GNG7: variants seen among roughly 807,000 people sequenced by gnomAD.
GNG7 encodes guanine nucleotide-binding protein G(I)/G(S)/G(O) subunit gamma-7.
Under a neutral mutation model 4.0 loss-of-function variants are expected in GNG7, and 1 was observed. The ratio of observed to expected loss-of-function variants is 0.25; its 90% CI spans 0.09 to 1.18. GNG7 has a LOEUF of 1.18. Ranked by LOEUF, GNG7 falls within the 50% of genes most tolerant of loss-of-function variation. The pLI, the probability that GNG7 is intolerant of heterozygous loss-of-function variation, is 0.50. For missense variants in GNG7, 86 were observed against 91.9 expected (o/e 0.94, Z 0.26); for synonymous variants, 34 against 36.9 (o/e 0.92, Z 0.29).
chr19:2,696,690 G>A (rs563006664), intron 1 of GNG7, among the ~76,000 whole-genome samples: 134 of 152,318 alleles, frequency 8.8e-4, no homozygotes, highest in Middle Eastern at 3.4e-3. Context: ...CATGTCACAC[G>A]CAGTGAGAGA....
rs560885763 is a variant in GNG7 at position 2,681,549 on chromosome 19, A to C, written c.-135+21097T>G. Among the ~76,000 whole-genome samples, 5 of 152,180 alleles carry C rather than the reference A, an allele frequency of 3.3e-5. No individual in the cohort carries two copies. The South Asian group carries it at 1.0e-3, about 32-fold the overall frequency. ...CTCCCAAAGCGCTGGGATCACTAGC[A>C]TTAGCCACATCACCGGGCCAGATCC... On this transcript the variant is annotated intron_variant, in intron 1 of 4. Coordinates refer to ENST00000382159, the MANE Select transcript of GNG7 (RefSeq NM_052847.3).
chr19:2,680,571 ATTT>A (rs967188330), intron 1 of GNG7, among the ~76,000 whole-genome samples: 8 of 125,996 alleles, frequency 6.3e-5, no homozygotes, highest in African/African-American at 1.8e-4. Flanking sequence ...AAAATTTACA[ATTT>A]TTTTTTTTTT....
chr19:2,538,414 G>C, intron 3 of GNG7: 1 of 386,730 alleles, frequency 2.6e-6, no homozygotes, highest in Non-Finnish European at 5.1e-6. Flanking sequence ...TTTGAGGCCA[G>C]GAGTTTGAGA....
At chr19:2,545,115 G>A (rs777127900) in intron 3 of GNG7, among the ~76,000 whole-genome samples, 45 of 151,914 alleles carry the variant, frequency 3.0e-4, no homozygotes, top group Admixed American at 4.6e-4. Context: ...TTGGGGGTCC[G>A]TGGAATCCCC....
chr19:2,556,845 C>T (rs1029302140), intron 2 of GNG7, among the ~76,000 whole-genome samples: 3 of 152,176 alleles, frequency 2.0e-5, no homozygotes, highest in African/African-American at 4.8e-5. Flanking sequence ...TGAGCTGCGT[C>T]CCTGGCATCC....
intron 2 of GNG7, among the ~76,000 whole-genome samples, chr19:2,608,990 G>A (rs1053342674): frequency 1.3e-5 from 2 of 151,526 alleles, no homozygotes; most frequent in Admixed American, 1.3e-4. Flanking sequence ...CAAACATCAT[G>A]CCTACCTAGT....
At chr19:2,656,188 T>C (rs1982969284) in intron 1 of GNG7, among the ~76,000 whole-genome samples, 1 of 152,194 alleles carries the variant, frequency 6.6e-6, no homozygotes, top group East Asian at 1.9e-4. Flanking sequence ...AACCACCATA[T>C]GATCCAGTAA....
chr19:2,607,220 C>CAAA (rs57526624), intron 2 of GNG7, among the ~76,000 whole-genome samples: 10,253 of 136,088 alleles, frequency 0.075, 487 homozygotes, highest in South Asian at 0.18. Flanking sequence ...GACCCTGTGT[C>CAAA]AAAAAAAAAA....
intron 1 of GNG7, among the ~76,000 whole-genome samples, chr19:2,680,860 G>A (rs979399975): frequency 2.0e-4 from 30 of 151,662 alleles, no homozygotes; most frequent in South Asian, 2.1e-4. Flanking sequence ...GCTGGAGTGC[G>A]GTGGTGTGAT....
intron 1 of GNG7, among the ~76,000 whole-genome samples, chr19:2,668,291 A>G (rs1983362910): frequency 1.3e-5 from 2 of 152,228 alleles, no homozygotes; most frequent in South Asian, 2.1e-4. Context: ...AAAATGCTGT[A>G]AAATGTGATT....
chr19:2,635,985 C>T (rs1982298166), intron 2 of GNG7, among the ~76,000 whole-genome samples: 1 of 152,138 alleles, frequency 6.6e-6, no homozygotes, highest in Non-Finnish European at 1.5e-5. Context: ...GGGTGGAGGC[C>T]CGGGACGCTG....
intron 3 of GNG7, among the ~76,000 whole-genome samples, chr19:2,553,442 A>G (rs1207234990): frequency 1.4e-5 from 2 of 147,606 alleles, no homozygotes; most frequent in African/African-American, 5.0e-5. Context: ...TATATGTTAT[A>G]TATTATATGC....
intron 3 of GNG7, among the ~76,000 whole-genome samples, chr19:2,530,921 C>T (rs952523167): frequency 3.3e-5 from 5 of 152,230 alleles, no homozygotes; most frequent in African/African-American, 1.2e-4. Context: ...GCCAAGGGTA[C>T]AGAAATTGAG....
intron 3 of GNG7, among the ~76,000 whole-genome samples, chr19:2,537,353 C>T (rs1377793462): frequency 1.3e-5 from 2 of 152,136 alleles, no homozygotes; most frequent in Non-Finnish European, 2.9e-5. Flanking sequence ...TCAAGCGATC[C>T]TCCTGCCTGG....
In GNG7 at chr19:2,580,506, G is replaced by T. The variant is rs370269654; in HGVS notation, c.-77-25318C>A. Reference sequence around the variant, plus strand: ...AGGTTTTGCCATGTTAGCCAGGCTGGTCTCGAACTCCTGACCTCAGGGGAT... The same window carrying T: ...AGGTTTTGCCATGTTAGCCAGGCTGTTCTCGAACTCCTGACCTCAGGGGAT... On this transcript the variant is annotated intron_variant, in intron 2 of 4. Coordinates refer to ENST00000382159, the MANE Select transcript of GNG7 (RefSeq NM_052847.3). Among the ~76,000 whole-genome samples the T allele has an allele frequency of 1.9e-4, 29 of 151,968 alleles. No individual in the cohort carries two copies. In the South Asian group the frequency reaches 6.0e-3, roughly 32 times the overall value.
chr19:2,598,141 C>A (rs1299247013), intron 2 of GNG7, among the ~76,000 whole-genome samples: 1 of 152,116 alleles, frequency 6.6e-6, no homozygotes, highest in Admixed American at 6.5e-5. Flanking sequence ...CCAGCTCTCA[C>A]GGCGACTCTA....
chr19:2,523,846 T>C (rs759822274), intron 3 of GNG7, among the ~76,000 whole-genome samples: 1 of 152,084 alleles, frequency 6.6e-6, no homozygotes, highest in Non-Finnish European at 1.5e-5. Context: ...AAAAATCCCT[T>C]TGACACCGCC....
chr19:2,564,306 A>T (rs1007485474), intron 2 of GNG7, among the ~76,000 whole-genome samples: 3 of 151,968 alleles, frequency 2.0e-5, no homozygotes, highest in African/African-American at 7.2e-5. Context: ...ACAGGCTGAG[A>T]TTGGTGGCTC....
At chr19:2,635,986 C>T (rs372931295) in intron 2 of GNG7, among the ~76,000 whole-genome samples, 4 of 152,160 alleles carry the variant, frequency 2.6e-5, no homozygotes, top group Non-Finnish European at 4.4e-5. Context: ...GGTGGAGGCC[C>T]GGGACGCTGC....
Sources: allele counts gnomAD v4.1 joint callset (sites outside exome capture counted in the v4.1 genomes callset), GRCh38; gene constraint gnomAD v4.1.1; transcripts MANE v1.5; gene names NCBI Gene and HGNC (gene_info 2026-07-23, HGNC 2026-07-21).